Variants in STAU2 observed in about 807,000 individuals in gnomAD.
The protein encoded by STAU2 is staufen double-stranded RNA binding protein 2, also known as double-stranded RNA-binding protein Staufen homolog 2.
In STAU2, 20 loss-of-function variants were observed where a neutral mutation model predicts 65.9. The ratio of observed to expected loss-of-function variants is 0.30; its 90% CI spans 0.21 to 0.44. The LOEUF (loss-of-function observed/expected upper bound fraction) is 0.44, where lower values mean the gene tolerates loss of function less well. STAU2 is among the 20% of genes least tolerant of loss of function. STAU2 has a pLI of 1.00. For missense variants in STAU2, 558 were observed against 683.9 expected, an observed-to-expected ratio of 0.82 and a Z score of 2.05; for synonymous variants, 232 against 233.9, an observed-to-expected ratio of 0.99 and a Z score of 0.07.
intron 13 of STAU2, among the ~76,000 whole-genome samples, chr8:73,523,825 C>A (rs955904540): frequency 6.6e-6 from 1 of 152,042 alleles, no homozygotes; most frequent in Non-Finnish European, 1.5e-5. Flanking sequence ...AGTTTGTGTG[C>A]CATAGCTAAA....
chr8:73,457,797 G>C (rs2128898056), intron 13 of STAU2, among the ~76,000 whole-genome samples: 2 of 152,318 alleles, frequency 1.3e-5, no homozygotes, highest in Middle Eastern at 6.8e-3. Flanking sequence ...GGTAGGGAGT[G>C]CATGGGCACC....
intron 8 of STAU2, among the ~76,000 whole-genome samples, chr8:73,614,168 T>C (rs1812665510): frequency 6.6e-6 from 1 of 152,200 alleles, no homozygotes; most frequent in South Asian, 2.1e-4. Context: ...AATAAACACA[T>C]TTGATTCATA....
At position 73,595,222 on chromosome 8, in the gene STAU2, T is replaced by C. The variant is rs772231898; in HGVS notation, c.1105A>G (p.Met369Val). ...GCTTTATAACCAAGTTGTAACAGCATTGCTTCTGCAGCATTTTTTTTGGCT... is the reference window on the plus strand; with the variant it reads ...GCTTTATAACCAAGTTGTAACAGCACTGCTTCTGCAGCATTTTTTTTGGCT... ...KIAKKNAAEAMLLQLGYKAST... is the reference protein window; with the variant it reads ...KIAKKNAAEAVLLQLGYKAST... The change falls in exon 11 of 15, where the codon ATG becomes GTG. Residue 369 changes from methionine (M) to valine (V), a missense_variant. Physicochemically the swap from Met to Val is conservative, Grantham distance 21. Coordinates refer to ENST00000524300, the MANE Select transcript of STAU2 (RefSeq NM_001164380.2). 14 of 1,611,722 alleles carry C rather than the reference T, an allele frequency of 8.7e-6. No homozygotes were observed. Among genetic ancestry groups the C allele is most frequent in the African/African-American group, 2.7e-5 (2 of 74,894 alleles).
chr8:73,620,752 A>G (rs932220925), intron 6 of STAU2, among the ~76,000 whole-genome samples: 2 of 152,222 alleles, frequency 1.3e-5, no homozygotes, highest in African/African-American at 4.8e-5. Context: ...AGGAAATACC[A>G]AGACTGGATG....
At chr8:73,429,066 C>T (rs1205866674) in intron 13 of STAU2, among the ~76,000 whole-genome samples, 11 of 152,188 alleles carry the variant, frequency 7.2e-5, no homozygotes, top group Non-Finnish European at 1.5e-4. Flanking sequence ...AAGGGGCAGT[C>T]CCTTATCTAC....
chr8:73,539,349 C>A (rs910949548), intron 13 of STAU2, among the ~76,000 whole-genome samples: 9 of 152,054 alleles, frequency 5.9e-5, no homozygotes, highest in African/African-American at 2.2e-4. Context: ...GTTTAATGCA[C>A]CTATGCTAAC....
chr8:73,486,696 C>T (rs2128913407), intron 13 of STAU2, among the ~76,000 whole-genome samples: 1 of 149,324 alleles, frequency 6.7e-6, no homozygotes, highest in Non-Finnish European at 1.5e-5. Flanking sequence ...CTCTGTTACC[C>T]AGACTGGAGT....
Position 73,638,517 on chromosome 8 carries a change from T to TA in STAU2, c.411-21067_411-21066insT, listed in dbSNP as rs1814720845. 3.5e-4 allele frequency among the ~76,000 whole-genome samples: 44 copies of TA among 127,242 alleles called. No individual in the cohort carries two copies. In the South Asian group the frequency reaches 0.011, roughly 32 times the overall value. The allele number at this position is 127,242 out of a possible 152,430, so 83.5% of individuals were successfully genotyped here. A position where few individuals can be genotyped will look rare whatever the true frequency, so the allele number is the denominator to read the frequency against. On this transcript the variant is annotated intron_variant, in intron 6 of 14. Transcript: ENST00000524300. ...GAAATATTCTTTTTTTTTTTTTTTT[T>TA]TAAAAAGAGTCCATCAGAGTAACTT...
intron 5 of STAU2, among the ~76,000 whole-genome samples, chr8:73,679,978 A>ATTTTTT (rs1160379353): frequency 4.9e-5 from 4 of 81,366 alleles, no homozygotes; most frequent in Admixed American, 1.8e-4. Flanking sequence ...TAGGGAAGCC[A>ATTTTTT]TTTTTTTTTT....
chr8:73,555,243 G>A (rs1265996735), intron 12 of STAU2, among the ~76,000 whole-genome samples: 2 of 152,172 alleles, frequency 1.3e-5, no homozygotes, highest in African/African-American at 2.4e-5. Context: ...GGAGGAAGAG[G>A]ACTGAGAGCA....
chr8:73,607,897 GAGACATGGAGACATGGAT>G (rs779043252), intron 9 of STAU2, among the ~76,000 whole-genome samples: 1 of 152,062 alleles, frequency 6.6e-6, no homozygotes, highest in Non-Finnish European at 1.5e-5. Flanking sequence ...ACTATCTGTA[GAGACATGGAGACATGGAT>G]AATCACTCTG....
At chr8:73,693,474 C>CAA (rs57858834) in intron 4 of STAU2, among the ~76,000 whole-genome samples, 29 of 68,406 alleles carry the variant, frequency 4.2e-4, no homozygotes, top group East Asian at 1.2e-3. Context: ...GACTCCGTCT[C>CAA]AAAAAAAAAA....
chr8:73,451,230 C>G (rs1818781679), intron 13 of STAU2, among the ~76,000 whole-genome samples: 1 of 152,174 alleles, frequency 6.6e-6, no homozygotes, highest in African/African-American at 2.4e-5. Flanking sequence ...CTTGAACCTA[C>G]AGCCGTCAGC....
intron 12 of STAU2, among the ~76,000 whole-genome samples, chr8:73,565,381 C>T (rs755033623): frequency 6.6e-6 from 1 of 152,162 alleles, no homozygotes; most frequent in Admixed American, 6.5e-5. Flanking sequence ...CTTCCTGAGG[C>T]CTTCCCAGAA....
chr8:73,570,157 C>G (rs1808940567), intron 12 of STAU2, among the ~76,000 whole-genome samples: 1 of 152,150 alleles, frequency 6.6e-6, no homozygotes, highest in Non-Finnish European at 1.5e-5. Flanking sequence ...GGCACAAGAA[C>G]TACGTGACGC....
At chr8:73,713,395 C>A (rs1377605059) in intron 3 of STAU2, among the ~76,000 whole-genome samples, 1 of 152,114 alleles carries the variant, frequency 6.6e-6, no homozygotes, top group Non-Finnish European at 1.5e-5. Flanking sequence ...AATGATCTGT[C>A]CCCAAAGGAG....
At chr8:73,550,159 A>T (rs1807228302) in intron 13 of STAU2, 1 of 985,408 alleles carries the variant, frequency 1.0e-6, no homozygotes, top group Non-Finnish European at 1.2e-6. Flanking sequence ...GTAATATTTT[A>T]AAATCACCTG....
chr8:73,653,772 C>T (rs886901558), intron 6 of STAU2: 12 of 260,754 alleles, frequency 4.6e-5, no homozygotes, highest in African/African-American at 2.8e-4. Context: ...CTTAGGTAAA[C>T]AGTTTTCTTC....
At chr8:73,659,961 T>C (rs1039900417) in intron 6 of STAU2, among the ~76,000 whole-genome samples, 1 of 152,190 alleles carries the variant, frequency 6.6e-6, no homozygotes, top group South Asian at 2.1e-4. Flanking sequence ...TTTGTTTATA[T>C]TCACTTTTGT....
Sources: gnomAD v4.1 joint callset for allele counts (sites outside exome capture counted in the v4.1 genomes callset) on GRCh38, gnomAD v4.1.1 for gene constraint, MANE v1.5 for transcripts, NCBI Gene and HGNC (gene_info 2026-07-23, HGNC 2026-07-21) for gene names.